The following TTC6 variants were observed in gnomAD, a reference collection of about 807,000 sequenced individuals.
TTC6 encodes tetratricopeptide repeat domain 6.
A neutral mutation model predicts 210.4 loss-of-function variants in TTC6; 172 were observed. The observed-to-expected ratio is 0.82, with a 90% CI of 0.72 to 0.93. TTC6 has a LOEUF of 0.93. Among genes scored for constraint, TTC6 ranks in the 40% least tolerant of loss-of-function variants. TTC6 has a pLI of 0.00. For missense variants in TTC6, 2,414 were observed against 2,318.1 expected (o/e 1.04, Z -0.85); for synonymous variants, 804 against 819.6 (o/e 0.98, Z 0.32).
intron 5 of TTC6, among the ~76,000 whole-genome samples, chr14:37,713,659 A>G (rs991474561): frequency 6.6e-6 from 1 of 152,182 alleles, no homozygotes; most frequent in African/African-American, 2.4e-5. Context: ...CTCTCTTTGA[A>G]TTCAGGTATT....
chr14:37,604,799 C>G (rs545964801), intron 1 of TTC6, among the ~76,000 whole-genome samples: 2 of 152,284 alleles, frequency 1.3e-5, no homozygotes, highest in South Asian at 2.1e-4. Flanking sequence ...CACTTAGACA[C>G]TTTCTCCTTC....
rs527836674 is a variant in TTC6, at chr14:37,679,676, C to CA, written c.940-467dup. 9.6e-3 allele frequency among the ~76,000 whole-genome samples: 1,457 copies of CA among 151,366 alleles called. 35 individuals are homozygous for CA. Among genetic ancestry groups the CA allele is most frequent in the African/African-American group, 0.033 (1,384 of 41,356 alleles). On this transcript the variant is annotated intron_variant, in intron 1 of 30. Coordinates refer to ENST00000553443, the Ensembl canonical transcript of TTC6. ...AAAGCCATGAAATTGAAAACATAGGCAAAAAAAATTTATATTTATTTATTT... is the reference window on the plus strand; with the variant it reads ...AAAGCCATGAAATTGAAAACATAGGCAAAAAAAAATTTATATTTATTTATTT...
In TTC6 at chr14:37,806,385, G is replaced by A. The variant is rs935674411; in HGVS notation, c.4189G>A (p.Val1397Met). The change falls in exon 22 of 31, where the codon GTG becomes ATG. Residue 1397 changes from valine to methionine, a missense_variant. Coordinates refer to ENST00000553443, the Ensembl canonical transcript of TTC6. ...GGCTTTTGATTCTTTTACAAAAGCT[G>A]TGAAAGCAAATCCAGATTTTGCAGA... 2.6e-6 allele frequency: 4 copies of A among 1,535,326 alleles called. No homozygotes were observed. The African/African-American group carries it at 5.5e-5, about 21-fold the overall frequency.
At chr14:37,739,949 G>T (rs1222380271) in intron 10 of TTC6, among the ~76,000 whole-genome samples, 1 of 152,002 alleles carries the variant, frequency 6.6e-6, no homozygotes, top group African/African-American at 2.4e-5. Flanking sequence ...AGATCACGAG[G>T]TCAGGAGATC....
intron 14 of TTC6, among the ~76,000 whole-genome samples, chr14:37,756,573 T>C (rs1230983604): frequency 6.6e-6 from 1 of 152,246 alleles, no homozygotes; most frequent in Non-Finnish European, 1.5e-5. Context: ...TTGAATTTTA[T>C]TGAAGGCTTT....
intron 25 of TTC6, among the ~76,000 whole-genome samples, chr14:37,814,215 C>G (rs2096136316): frequency 6.6e-6 from 1 of 152,154 alleles, no homozygotes; most frequent in African/African-American, 2.4e-5. Context: ...ATTCTCTTCT[C>G]TCCACTAGTC....
rs191111342 is a variant in TTC6, at chr14:37,808,624, G to A, written c.4456-109G>A. The A allele has an allele frequency of 1.4e-5, 8 of 572,260 alleles. No individual in the cohort carries two copies. In the Admixed American group the frequency reaches 2.8e-4, roughly 20 times the overall value. The allele number at this position is 572,260 out of a possible 1,614,324, so 35.4% of individuals were successfully genotyped here. A position where few individuals can be genotyped will look rare whatever the true frequency, so the allele number is the denominator to read the frequency against. On this transcript the variant is annotated intron_variant, in intron 23 of 30. Coordinates refer to ENST00000553443, the Ensembl canonical transcript of TTC6. ...TAATTTCACAGATGATACAAAGAAT[G>A]GTTAAATGAGTGTTTCAAAAACTCT... is the stretch of plus-strand genomic sequence containing the variant.
chr14:37,749,231 G>T (rs1443443289), exon 11 of TTC6: 1 of 1,530,458 alleles, frequency 6.5e-7, no homozygotes, highest in East Asian at 2.5e-5. Flanking sequence ...AAATGATTAT[G>T]TGGAGTCTGA....
At chr14:37,662,363 A>T (rs775379381) in intron 1 of TTC6, among the ~76,000 whole-genome samples, 1 of 152,068 alleles carries the variant, frequency 6.6e-6, no homozygotes, top group Non-Finnish European at 1.5e-5. Context: ...AAACATGAAG[A>T]TATGTTGACT....
intron 1 of TTC6, among the ~76,000 whole-genome samples, chr14:37,636,606 G>A (rs139202754): frequency 1.5e-3 from 233 of 152,236 alleles, no homozygotes; most frequent in African/African-American, 5.2e-3. Context: ...TACCACAGCC[G>A]TAGTAATGAT....
exon 1 of TTC6, chr14:37,622,366 C>T (rs186154687): frequency 4.2e-4 from 640 of 1,530,926 alleles, no homozygotes; most frequent in Middle Eastern, 6.7e-4. Context: ...CCGCGTCCCT[C>T]GGGCCTGGGT....
chr14:37,674,707 C>A (rs2095765157), intron 1 of TTC6, among the ~76,000 whole-genome samples: 1 of 152,112 alleles, frequency 6.6e-6, no homozygotes, highest in Admixed American at 6.6e-5. Context: ...TATGTTTTTA[C>A]ATTTGACTTA....
intron 9 of TTC6, 105 bp downstream of exon 11, chr14:37,737,839 C>A: frequency 1.7e-6 from 1 of 576,784 alleles, no homozygotes; most frequent in Non-Finnish European, 2.8e-6. Flanking sequence ...ATATTATATT[C>A]TCTAGTCTAA....
chr14:37,807,377 T>A, exon 23 of TTC6: 1 of 1,531,206 alleles, frequency 6.5e-7, no homozygotes. Flanking sequence ...CAAAGCAATC[T>A]TGAATTGTAA....
intron 7 of TTC6, among the ~76,000 whole-genome samples, chr14:37,733,066 T>G (rs769716706): frequency 3.9e-5 from 6 of 152,140 alleles, no homozygotes; most frequent in Non-Finnish European, 8.8e-5. Flanking sequence ...AACGGTATGT[T>G]TTACTTATTC....
At chr14:37,823,802 C>G (rs1273906744) in exon 27 of TTC6, 2 of 1,613,904 alleles carry the variant, frequency 1.2e-6, no homozygotes, top group Non-Finnish European at 1.7e-6. Context: ...TAAAATTAAC[C>G]CATGTTTTCT....
chr14:37,622,631 G>T, exon 1 of TTC6: 1 of 1,535,218 alleles, frequency 6.5e-7, no homozygotes, highest in South Asian at 1.2e-5. Flanking sequence ...AACAGAGCCA[G>T]GAGGTAGCTC....
At chr14:37,799,261 A>G (rs750379655) in intron 20 of TTC6, among the ~76,000 whole-genome samples, 11 of 152,172 alleles carry the variant, frequency 7.2e-5, no homozygotes, top group Admixed American at 1.3e-4. Context: ...GCATTTAATC[A>G]TGAGAAACTA....
At chr14:37,772,983 G>T (rs1329451983) in intron 14 of TTC6, among the ~76,000 whole-genome samples, 1 of 152,032 alleles carries the variant, frequency 6.6e-6, no homozygotes, top group Non-Finnish European at 1.5e-5. Flanking sequence ...GTTTTGATTT[G>T]CATTTCTCTA....
Sources: gnomAD v4.1 joint callset for allele counts (sites outside exome capture counted in the v4.1 genomes callset) on GRCh38, gnomAD v4.1.1 for gene constraint, MANE v1.5 for transcripts, NCBI Gene and HGNC (gene_info 2026-07-23, HGNC 2026-07-21) for gene names.